The following AKT3 variants were observed in gnomAD, a reference collection of about 807,000 sequenced individuals.
The protein encoded by AKT3 is AKT serine/threonine kinase 3.
A neutral mutation model predicts 65.3 loss-of-function variants in AKT3; 15 were observed. The ratio of observed to expected loss-of-function variants is 0.23; its 90% CI spans 0.15 to 0.35. The LOEUF (loss-of-function observed/expected upper bound fraction) is 0.35, where lower values mean the gene tolerates loss of function less well. Ranked by LOEUF, AKT3 falls within the 10% of genes least tolerant of loss-of-function variation. The pLI, the probability that AKT3 is intolerant of heterozygous loss-of-function variation, is 1.00. For missense variants in AKT3, 243 were observed against 576.5 expected (o/e 0.42, Z 5.92); for synonymous variants, 206 against 183.8 (o/e 1.12, Z -0.98).
Position 243,850,072 on chromosome 1 carries a change from C to T in AKT3, c.-145G>A. Reference sequence around the variant, plus strand: ...GGCGGCGGCGGCGGTGGCGGCCCCGCAGCTGCTCGGGCGGCGGCGGAGGAT... The same window carrying T: ...GGCGGCGGCGGCGGTGGCGGCCCCGTAGCTGCTCGGGCGGCGGCGGAGGAT... On this transcript the variant is annotated 5_prime_UTR_variant, in exon 1 of 14. Coordinates refer to ENST00000673466, the MANE Select transcript of AKT3 (RefSeq NM_005465.7). 1.1e-6 allele frequency: 1 copy of T among 938,692 alleles called. No individual in the cohort carries two copies. Among genetic ancestry groups the T allele is most frequent in the Non-Finnish European group, 1.3e-6 (1 of 794,896 alleles). 58.1% of individuals were successfully genotyped at this position (938,692 alleles called of 1,614,324 possible). A position where few individuals can be genotyped will look rare whatever the true frequency, so the allele number is the denominator to read the frequency against.
intron 8 of AKT3, among the ~76,000 whole-genome samples, chr1:243,595,652 T>C (rs1030530366): frequency 1.3e-5 from 2 of 152,164 alleles, no homozygotes; most frequent in Non-Finnish European, 2.9e-5. Flanking sequence ...AAACACAGCA[T>C]ATACGTTAGC....
In AKT3 at chr1:243,637,399, T is replaced by C. The variant is rs185661126; in HGVS notation, c.561+212A>G. The stretch of plus-strand genomic sequence containing the variant: ...AAACATTTCTATTTCCTTAAGAGAA[T>C]AGCTTTAGTATATAATATACAAATA... On this transcript the variant is annotated intron_variant, in intron 6 of 13. Coordinates refer to ENST00000673466, the MANE Select transcript of AKT3 (RefSeq NM_005465.7). 1.1e-3 allele frequency among the ~76,000 whole-genome samples: 160 copies of C among 152,220 alleles called. 1 individual carries two copies. Among genetic ancestry groups the C allele is most frequent in the South Asian group, 8.3e-4 (4 of 4,830 alleles).
upstream of AKT3, among the ~76,000 whole-genome samples, chr1:243,850,580 C>T (rs1371177723): frequency 3.3e-5 from 5 of 151,362 alleles, no homozygotes; most frequent in Admixed American, 2.0e-4. Flanking sequence ...CTCGGGGCCG[C>T]CGCCGATCGG....
At chr1:243,626,509 A>C (rs537766471) in intron 6 of AKT3, among the ~76,000 whole-genome samples, 1 of 152,358 alleles carries the variant, frequency 6.6e-6, no homozygotes, top group Admixed American at 6.5e-5. Flanking sequence ...CCTCAGTTCA[A>C]ATCATCAGAG....
intron 8 of AKT3, among the ~76,000 whole-genome samples, chr1:243,577,528 C>T (rs916814287): frequency 1.3e-5 from 2 of 152,080 alleles, no homozygotes; most frequent in Non-Finnish European, 2.9e-5. Context: ...TTCCTTATAC[C>T]TTATACAAAA....
intron 8 of AKT3, among the ~76,000 whole-genome samples, chr1:243,590,836 T>G (rs1263171294): frequency 6.6e-6 from 1 of 152,054 alleles, no homozygotes; most frequent in African/African-American, 2.4e-5. Context: ...GAGAAAGACA[T>G]TTGAAAAAGA....
intron 2 of AKT3, among the ~76,000 whole-genome samples, chr1:243,805,530 C>T (rs146048025): frequency 6.6e-6 from 1 of 152,224 alleles, no homozygotes; most frequent in Admixed American, 6.5e-5. Context: ...TTAAGCATCA[C>T]TCTTCCCTTA....
intron 1 of AKT3, among the ~76,000 whole-genome samples, chr1:243,845,897 C>T (rs1417346776): frequency 1.3e-5 from 2 of 152,076 alleles, no homozygotes; most frequent in African/African-American, 4.8e-5. Context: ...CCCTGCCCCA[C>T]CCAGAGTGAT....
rs540686833 is a variant in AKT3 at position 243,722,862 on chromosome 1, T to TA, written c.47-27147dup. ...AATTAATCTTTCTCAAGAAATGCAG[T>TA]AAGTCTGGGCACCCATTTTCAAAAT... On this transcript the variant is annotated intron_variant, in intron 2 of 13. Transcript: ENST00000673466. Among the ~76,000 whole-genome samples, 731 of 152,304 alleles carry TA rather than the reference T, an allele frequency of 4.8e-3. 5 individuals carry two copies. Among genetic ancestry groups the TA allele is most frequent in the African/African-American group, 0.017 (687 of 41,570 alleles).
intron 6 of AKT3, among the ~76,000 whole-genome samples, chr1:243,616,618 T>G (rs978401789): frequency 6.6e-6 from 1 of 152,192 alleles, no homozygotes; most frequent in African/African-American, 2.4e-5. Flanking sequence ...CTGAATCAAT[T>G]TCTTAACACT....
chr1:243,714,830 T>G (rs1686402865), intron 2 of AKT3, among the ~76,000 whole-genome samples: 1 of 152,132 alleles, frequency 6.6e-6, no homozygotes, highest in Non-Finnish European at 1.5e-5. Flanking sequence ...TGGCACAATA[T>G]ATATCAAAAT....
chr1:243,730,419 G>T (rs554000055), intron 2 of AKT3, among the ~76,000 whole-genome samples: 1 of 152,330 alleles, frequency 6.6e-6, no homozygotes, highest in South Asian at 2.1e-4. Context: ...CCAACAGTGG[G>T]CATGAAAAGG....
At position 243,499,879 on chromosome 1, in the gene AKT3, C is replaced by T; in HGVS notation, c.*5370G>A. 1.6e-6 allele frequency: 2 copies of T among 1,231,826 alleles called. No homozygotes were observed. Among genetic ancestry groups the T allele is most frequent in the Non-Finnish European group, 2.4e-6 (2 of 847,992 alleles). 76.3% of individuals were successfully genotyped at this position (1,231,826 alleles called of 1,614,324 possible). A position where few individuals can be genotyped will look rare whatever the true frequency, so the allele number is the denominator to read the frequency against. On this transcript the variant is annotated 3_prime_UTR_variant, in exon 14 of 14. Transcript: ENST00000673466. ...TATGCCACAACGCACCACGACCTTC[C>T]CAGGGTGACACCGCCTCAGCCTGCA...
intron 8 of AKT3, 148 bp from the exon 9 acceptor site, chr1:243,573,196 G>C: frequency 1.1e-6 from 1 of 906,180 alleles, no homozygotes; most frequent in South Asian, 3.1e-5. Context: ...ACAGCAGCTG[G>C]CTTATCTTTT....
intron 2 of AKT3, among the ~76,000 whole-genome samples, chr1:243,830,089 C>T (rs1694408953): frequency 6.6e-6 from 1 of 152,172 alleles, no homozygotes; most frequent in African/African-American, 2.4e-5. Context: ...CAACCAACCA[C>T]AGATCAAAAA....
intron 12 of AKT3, among the ~76,000 whole-genome samples, chr1:243,533,456 G>GA (rs1671683388): frequency 6.6e-6 from 1 of 152,080 alleles, no homozygotes; most frequent in Non-Finnish European, 1.5e-5. Context: ...AAGTACCTAT[G>GA]GCAATTGTAC....
intron 2 of AKT3, among the ~76,000 whole-genome samples, chr1:243,696,155 TC>T: frequency 6.6e-6 from 1 of 151,776 alleles, no homozygotes; most frequent in African/African-American, 2.4e-5. Context: ...CTTTTTTTTT[TC>T]AAAAAAGAAA....
chr1:243,795,365 C>T (rs1224570497), intron 2 of AKT3, among the ~76,000 whole-genome samples: 2 of 150,886 alleles, frequency 1.3e-5, no homozygotes, highest in Admixed American at 1.3e-4. Context: ...ATAGGACAGG[C>T]TTGACTGTGC....
chr1:243,826,967 C>A (rs1191033062), intron 2 of AKT3, among the ~76,000 whole-genome samples: 1 of 152,104 alleles, frequency 6.6e-6, no homozygotes, highest in African/African-American at 2.4e-5. Context: ...TAAATAACTT[C>A]TCTTAACAAT....
Sources: gnomAD v4.1 joint callset for allele counts (sites outside exome capture counted in the v4.1 genomes callset) on GRCh38, gnomAD v4.1.1 for gene constraint, MANE v1.5 for transcripts, NCBI Gene and HGNC (gene_info 2026-07-23, HGNC 2026-07-21) for gene names.